The following SKAP1 variants were observed in gnomAD, a reference collection of about 807,000 sequenced individuals.
SKAP1 encodes src kinase-associated phosphoprotein 1.
Under a neutral mutation model 58.5 loss-of-function variants are expected in SKAP1, and 44 were observed. The observed-to-expected ratio is 0.75, with a 90% CI of 0.59 to 0.97. The LOEUF (loss-of-function observed/expected upper bound fraction) is 0.97, where lower values mean the gene tolerates loss of function less well. Among genes scored for constraint, SKAP1 ranks in the 50% least tolerant of loss-of-function variants. The pLI is 0.00. For missense variants in SKAP1, 390 were observed against 435.2 expected, an observed-to-expected ratio of 0.90 and a Z score of 0.92; for synonymous variants, 127 against 149.7, an observed-to-expected ratio of 0.85 and a Z score of 1.11.
At chr17:48,366,199 T>G (rs1398093581) in intron 2 of SKAP1, among the ~76,000 whole-genome samples, 1 of 152,120 alleles carries the variant, frequency 6.6e-6, no homozygotes, top group Non-Finnish European at 1.5e-5. Context: ...TGTGACAAAT[T>G]TTCAGAAAAT....
the SKAP1 span, among the ~76,000 whole-genome samples, chr17:48,444,692 C>T: frequency 2.0e-5 from 3 of 152,210 alleles, no homozygotes; most frequent in Admixed American, 1.3e-4. Flanking sequence ...CTCTGCACCA[C>T]GCCCATTTGT....
intron 1 of SKAP1, among the ~76,000 whole-genome samples, chr17:48,405,386 CTCTT>C (rs1228151619): frequency 2.7e-5 from 4 of 148,328 alleles, no homozygotes; most frequent in Admixed American, 6.7e-5. Context: ...TTCTTTTTTT[CTCTT>C]TCCTTTCTTT....
intron 12 of SKAP1, among the ~76,000 whole-genome samples, chr17:48,134,939 A>G (rs1456661084): frequency 6.6e-6 from 1 of 152,042 alleles, no homozygotes; most frequent in African/African-American, 2.4e-5. Context: ...CCTGACCTCA[A>G]GTGATCCACC....
intron 4 of SKAP1, among the ~76,000 whole-genome samples, chr17:48,218,534 C>G (rs1012621700): frequency 8.5e-5 from 13 of 152,152 alleles, no homozygotes; most frequent in South Asian, 4.1e-4. Flanking sequence ...AATAATGGAA[C>G]TTGGTTGTTC....
chr17:48,134,668 C>G (rs2063676738), intron 12 of SKAP1, among the ~76,000 whole-genome samples: 1 of 152,058 alleles, frequency 6.6e-6, no homozygotes, highest in South Asian at 2.1e-4. Context: ...AAGAGATAAA[C>G]AAATAAATGA....
intron 4 of SKAP1, among the ~76,000 whole-genome samples, chr17:48,325,248 C>CAAAAAAAAAAA (rs200281665): frequency 2.2e-5 from 2 of 91,460 alleles, no homozygotes; most frequent in African/African-American, 4.3e-5. Flanking sequence ...GACTCCGTCT[C>CAAAAAAAAAAA]AAAAAAAAAA....
chr17:48,211,179 T>A (rs1479799979), intron 4 of SKAP1, among the ~76,000 whole-genome samples: 9 of 152,198 alleles, frequency 5.9e-5, no homozygotes, highest in Admixed American at 5.9e-4. Flanking sequence ...CAGTGGCTCA[T>A]GCTTGTAATC....
chr17:48,338,243 A>G (rs1248405095), intron 4 of SKAP1, among the ~76,000 whole-genome samples: 2 of 151,466 alleles, frequency 1.3e-5, no homozygotes, highest in Non-Finnish European at 2.9e-5. Flanking sequence ...TCTGCCTCCC[A>G]GGTTCAAGCG....
intron 10 of SKAP1, among the ~76,000 whole-genome samples, chr17:48,169,675 T>C (rs1221755985): frequency 6.6e-6 from 1 of 152,190 alleles, no homozygotes; most frequent in African/African-American, 2.4e-5. Flanking sequence ...AAGTATTCAC[T>C]TTCTGTAGAG....
intron 3 of SKAP1, among the ~76,000 whole-genome samples, chr17:48,353,536 A>T (rs749254228): frequency 5.1e-4 from 77 of 152,168 alleles, no homozygotes; most frequent in Admixed American, 1.4e-3. Flanking sequence ...TGGTAAGCCA[A>T]CATTACTTAA....
chr17:48,181,739 G>A (rs3805371), intron 8 of SKAP1, among the ~76,000 whole-genome samples: 84,386 of 151,412 alleles, frequency 0.56, 24,451 homozygotes, highest in East Asian at 0.76. Flanking sequence ...ATATAATACC[G>A]AGTGACTAAC....
intron 1 of SKAP1, among the ~76,000 whole-genome samples, chr17:48,400,580 C>T (rs544969414): frequency 7.3e-5 from 11 of 151,624 alleles, no homozygotes; most frequent in Admixed American, 5.9e-4. Context: ...TGAAACCCCG[C>T]CTCTACAAAA....
intron 4 of SKAP1, among the ~76,000 whole-genome samples, chr17:48,189,911 C>A (rs1397677749): frequency 2.6e-5 from 4 of 151,956 alleles, no homozygotes; most frequent in African/African-American, 9.7e-5. Flanking sequence ...CTCCTGACCT[C>A]AAGTGATCCA....
intron 2 of SKAP1, among the ~76,000 whole-genome samples, chr17:48,367,536 G>GTATATATATATATGTATATATATCCA (rs2067020905): frequency 7.4e-6 from 1 of 135,600 alleles, no homozygotes; most frequent in Admixed American, 7.6e-5. Flanking sequence ...GTATGTGTGT[G>GTATATATATATATGTATATATATCCA]TATATATATA....
At chr17:48,325,601 C>T (rs138466090) in intron 4 of SKAP1, among the ~76,000 whole-genome samples, 14 of 152,104 alleles carry the variant, frequency 9.2e-5, no homozygotes, top group Non-Finnish European at 4.4e-5. Context: ...GAAAATGCTC[C>T]AAGCTGGTTT....
chr17:48,311,813 A>C (rs2066228205), intron 4 of SKAP1, among the ~76,000 whole-genome samples: 1 of 152,220 alleles, frequency 6.6e-6, no homozygotes, highest in Non-Finnish European at 1.5e-5. Flanking sequence ...CAAGTACTTT[A>C]GAGTTTACAG....
At chr17:48,305,381 A>G (rs1371528735) in intron 4 of SKAP1, among the ~76,000 whole-genome samples, 1 of 152,174 alleles carries the variant, frequency 6.6e-6, no homozygotes, top group Non-Finnish European at 1.5e-5. Flanking sequence ...ACACAGCCAC[A>G]ATCATCCATC....
At chr17:48,360,256 T>G (rs772630205) in intron 3 of SKAP1, among the ~76,000 whole-genome samples, 25 of 152,166 alleles carry the variant, frequency 1.6e-4, no homozygotes, top group Non-Finnish European at 3.1e-4. Flanking sequence ...CAATCTAATA[T>G]TCATGAAGAT....
At chr17:48,386,573 T>C (rs1190539343) in intron 2 of SKAP1, among the ~76,000 whole-genome samples, 1 of 152,240 alleles carries the variant, frequency 6.6e-6, no homozygotes, top group African/African-American at 2.4e-5. Context: ...TCCATGTTGA[T>C]ACTTGGAGTA....
Sources: allele counts gnomAD v4.1 joint callset (sites outside exome capture counted in the v4.1 genomes callset), GRCh38; gene constraint gnomAD v4.1.1; transcripts MANE v1.5; gene names NCBI Gene and HGNC (gene_info 2026-07-23, HGNC 2026-07-21).